Variants in KMT2B observed in about 807,000 individuals in gnomAD.
KMT2B encodes lysine methyltransferase 2B, also known as histone-lysine N-methyltransferase 2B.
Under a neutral mutation model 255.3 loss-of-function variants are expected in KMT2B, and 22 were observed. The observed-to-expected ratio is 0.09, with a 90% CI of 0.06 to 0.12. KMT2B has a LOEUF of 0.12. Ranked by LOEUF, KMT2B falls within the 10% of genes least tolerant of loss-of-function variation. The probability of loss-of-function intolerance (pLI) is 1.00; values close to 1 mark genes in which losing one functional copy is unlikely to be tolerated. For synonymous variants in KMT2B, 1,730 were observed against 1,498.1 expected (o/e 1.15, Z -3.57); for missense variants, 3,149 against 3,737.0 (o/e 0.84, Z 4.10).
Position 35,728,181 on chromosome 19 carries a change from G to T in KMT2B, c.4571+10G>T. On this transcript the variant is annotated intron_variant, in intron 19 of 36. Transcript: ENST00000420124. ...GTACCCGGCTGCCAAAGTGAGCAAG[G>T]CTGGGTAGCAGAAGGGAAGCCGGGG... The T allele has an allele frequency of 6.3e-7, 1 of 1,581,042 alleles. No individual in the cohort carries two copies. The highest frequency in any genetic ancestry group is 8.6e-7 in the Non-Finnish European group (1 of 1,164,332).
chr19:35,728,200 G>T, intron 19 of KMT2B, 29 bp downstream of exon 19: 3 of 1,558,468 alleles, frequency 1.9e-6, no homozygotes, highest in Non-Finnish European at 2.6e-6. Flanking sequence ...CAGAAGGGAA[G>T]CCGGGGAGTG....
At position 35,725,723 on chromosome 19, in the gene KMT2B, C is replaced by T; in HGVS notation, c.3790C>T (p.His1264Tyr). Reference sequence around the variant, plus strand: ...CCATCTCTGTCTCCACATCCAACAGCACCTCCTGGAGTGCGAGCGCTGCCG... The same window carrying T: ...CCATCTCTGTCTCCACATCCAACAGTACCTCCTGGAGTGCGAGCGCTGCCG... The part of the protein sequence containing the change: ...VCGRKGRGSK[H>Y]LLECERCRHA... Residue 1264 changes from histidine to tyrosine, a missense_variant and splice_region_variant, in exon 13 of 37, where the codon CAC (histidine) becomes TAC (tyrosine). Physicochemically the swap from His to Tyr is moderately conservative, Grantham distance 83. Coordinates refer to ENST00000420124, the MANE Select transcript of KMT2B (RefSeq NM_014727.3). This position sits in a 1 kb window ranked among gnomAD's most constrained non-coding sequence, Gnocchi z 4.1. 1 of 1,611,442 alleles carries T rather than the reference C, an allele frequency of 6.2e-7. No individual in the cohort carries two copies. Among genetic ancestry groups the T allele is most frequent in the Non-Finnish European group, 8.5e-7 (1 of 1,178,872 alleles).
intron 9 of KMT2B, 65 bp from the exon 10 acceptor site, chr19:35,724,924 T>C: frequency 8.7e-6 from 11 of 1,265,044 alleles, no homozygotes; most frequent in Non-Finnish European, 9.2e-6. Context: ...GGAAAGGCGG[T>C]GAGGAGAGGA....
At position 35,738,800 on chromosome 19, in the gene KMT2B, C is replaced by T. The variant is rs1799950512; in HGVS notation, c.*243C>T. On this transcript the variant is annotated 3_prime_UTR_variant, in exon 37 of 37. Coordinates refer to ENST00000420124, the MANE Select transcript of KMT2B (RefSeq NM_014727.3). This position sits in a 1 kb window ranked among gnomAD's most constrained non-coding sequence, Gnocchi z 8.7. ...TTGTACAAAGGTTTCTAAATCCCTT[C>T]TTTTCTATGCACTTTTTTATTTAAG... 2.9e-5 allele frequency: 16 copies of T among 547,730 alleles called. No individual in the cohort carries two copies. The South Asian group carries it at 4.0e-4, about 14-fold the overall frequency. The allele number at this position is 547,730 out of a possible 1,614,324, so 33.9% of individuals were successfully genotyped here.
In KMT2B at chr19:35,732,020, C is replaced by A; in HGVS notation, c.5550C>A (p.Gly1850=). The A allele has an allele frequency of 6.2e-7, 1 of 1,613,596 alleles. No individual in the cohort carries two copies. Among genetic ancestry groups the A allele is most frequent in the Non-Finnish European group, 8.5e-7 (1 of 1,179,746 alleles). Residue 1850 remains glycine, a synonymous_variant, in exon 27 of 37, where the codon GGC becomes GGA. Transcript: ENST00000420124. ...ACCCTCCACTGCGGCCAGATTCAGG[C>A]AGCGCCCCTCCTCCAGCCCCCCGTT... ...NLDPPLRPDS[G]SAPPPAPRSF...
At chr19:35,719,687 AAC>A in intron 2 of KMT2B, 95 bp from the exon 3 acceptor site, 1 of 1,524,928 alleles carries the variant, frequency 6.6e-7, no homozygotes, top group Non-Finnish European at 8.8e-7. Context: ...CAGCGGGGGA[AAC>A]ACACAAGCAA....
At chr19:35,729,560 G>GGCTTTCCCATGGGCAACGCCATGTA (rs1323229935) in intron 22 of KMT2B, among the ~76,000 whole-genome samples, 1 of 152,142 alleles carries the variant, frequency 6.6e-6, no homozygotes, top group African/African-American at 2.4e-5. Flanking sequence ...TTCCATGCTG[G>GGCTTTCCCATGGGCAACGCCATGTA]GTGGCGTTGA....
rs1288222119 is a variant in KMT2B at position 35,721,476 on chromosome 19, T to C, written c.2129T>C (p.Val710Ala). The change falls in exon 3 of 37, where the codon GTG (valine) becomes GCG (alanine). Residue 710 changes from valine to alanine, a missense_variant. Physicochemically the swap from Val to Ala is moderately conservative, Grantham distance 64 (BLOSUM62 0). This residue lies in a region of KMT2B where 1,188 missense variants were observed against 1,106.4 expected (regional missense o/e 1.07). Coordinates refer to ENST00000420124, the MANE Select transcript of KMT2B (RefSeq NM_014727.3). ...NHLSLPRFAP[V>A]VTTPVKAEVS... ...CTCAGCCTGCCTCGATTCGCCCCTG[T>C]GGTCACCACTCCTGTTAAGGCCGAG... is the stretch of plus-strand genomic sequence containing the variant. 1 of 1,612,766 alleles carries C rather than the reference T, an allele frequency of 6.2e-7. No homozygotes were observed. The highest frequency in any genetic ancestry group is 2.2e-5 in the East Asian group (1 of 44,866).
rs367682204 is a variant in KMT2B at position 35,736,699 on chromosome 19, C to T, written c.7169C>T (p.Ser2390Leu). The T allele has an allele frequency of 2.5e-5, 40 of 1,613,600 alleles. No individual in the cohort carries two copies. Among genetic ancestry groups the T allele is most frequent in the Non-Finnish European group, 3.0e-5 (35 of 1,179,750 alleles). ...TGCTTCTTGGGACCAGGTGAGGCTT[C>T]GAGCTCTGAGGAAGAGCCTCCATCC... ...SQWHHYSGEA[S>L]SSEEEPPSPD... The change falls in exon 31 of 37, where the codon TCG becomes TTG. Residue 2390 changes from serine to leucine, a missense_variant. Physicochemically the swap from Ser to Leu is moderately radical, Grantham distance 145. This residue lies in a region of KMT2B where 897 missense variants were observed against 825.3 expected (regional missense o/e 1.09). Coordinates refer to ENST00000420124, the MANE Select transcript of KMT2B (RefSeq NM_014727.3).
In KMT2B at chr19:35,725,595, C is replaced by T. The variant is rs745431166; in HGVS notation, c.3759C>T (p.His1253=). Reference sequence around the variant, plus strand: ...GCTGCCGTCGCTGCAAATTCTGCCACGTCTGTGGACGCAAAGGTCGTGGAT... The same window carrying T: ...GCTGCCGTCGCTGCAAATTCTGCCATGTCTGTGGACGCAAAGGTCGTGGAT... ...TWCCRRCKFC[H]VCGRKGRGSK... is the part of the protein sequence containing the mutation. The change falls in exon 12 of 37, where the codon CAC becomes CAT. Residue 1253 remains histidine (H), a synonymous_variant. Transcript: ENST00000420124. This position sits in a 1 kb window ranked among gnomAD's most constrained non-coding sequence, Gnocchi z 4.1. 6.8e-6 allele frequency: 11 copies of T among 1,610,346 alleles called. No individual in the cohort carries two copies. The highest frequency in any genetic ancestry group is 4.4e-5 in the South Asian group (4 of 91,088).
Position 35,726,319 on chromosome 19 carries a change from C to A in KMT2B, c.3969C>A (p.Ser1323Arg), listed in dbSNP as rs752320445. The A allele has an allele frequency of 6.2e-7, 1 of 1,613,564 alleles. No individual in the cohort carries two copies. The highest frequency in any genetic ancestry group is 8.5e-7 in the Non-Finnish European group (1 of 1,179,732). Residue 1323 changes from serine (S) to arginine (R), a missense_variant, in exon 14 of 37, where the codon AGC becomes AGA. By Grantham distance (110) the Ser-to-Arg change is moderately radical. Coordinates refer to ENST00000420124, the MANE Select transcript of KMT2B (RefSeq NM_014727.3). ...NWDVEWSGDYSLCPRCTQLYE... is the reference protein window; with the variant it reads ...NWDVEWSGDYRLCPRCTQLYE... The stretch of plus-strand genomic sequence containing the variant: ...ACGTCGAGTGGTCTGGAGATTACAG[C>A]CTCTGCCCCAGGTGCACCCAGCTAT...
At position 35,732,541 on chromosome 19, in the gene KMT2B, C is replaced by T; in HGVS notation, c.5992C>T (p.Leu1998=). Residue 1998 remains leucine (L), a synonymous_variant, in exon 28 of 37, where the codon CTG becomes TTG. Coordinates refer to ENST00000420124, the MANE Select transcript of KMT2B (RefSeq NM_014727.3). ...AADLDFAASL[L]GTEPFQEEIV... ...TGACCTGGACTTCGCGGCCAGCCTG[C>T]TGGGGACTGAGCCCTTCCAGGAAGA... is the stretch of plus-strand genomic sequence containing the variant. 3 of 1,613,896 alleles carry T rather than the reference C, an allele frequency of 1.9e-6. No homozygotes were observed. The highest frequency in any genetic ancestry group is 2.5e-6 in the Non-Finnish European group (3 of 1,179,878).
In KMT2B at chr19:35,733,507, G is replaced by A. The variant is rs142520534; in HGVS notation, c.6958G>A (p.Gly2320Arg). The A allele has an allele frequency of 1.3e-4, 204 of 1,554,338 alleles. No homozygotes were observed. The African/African-American group carries it at 2.3e-3, about 18-fold the overall frequency. Residue 2320 changes from glycine to arginine, a missense_variant and splice_region_variant, in exon 28 of 37, where the codon GGG becomes AGG. By Grantham distance (125) the Gly-to-Arg change is moderately radical. Coordinates refer to ENST00000420124, the MANE Select transcript of KMT2B (RefSeq NM_014727.3). This position sits in a 1 kb window ranked among gnomAD's most constrained non-coding sequence, Gnocchi z 4.3. ...TCAGGTTCCAGGGCTTGGCAGTGGCGGGTGAGTGCGGGTGCTGAGGCTGGC... is the reference window on the plus strand; with the variant it reads ...TCAGGTTCCAGGGCTTGGCAGTGGCAGGTGAGTGCGGGTGCTGAGGCTGGC... ...TPQVPGLGSG[G>R]FSRVRMKTPT... is the part of the protein sequence containing the mutation.
At position 35,731,897 on chromosome 19, in the gene KMT2B, C is replaced by T. The variant is rs560554537; in HGVS notation, c.5438-11C>T. On this transcript the variant is annotated splice_polypyrimidine_tract_variant and intron_variant, in intron 26 of 36. Transcript: ENST00000420124. Reference sequence around the variant, plus strand: ...CCCCTACCACCCCAATGCCATTTCTCGCCTCTTCAGAGCCCCCAGGTGGTG... The same window carrying T: ...CCCCTACCACCCCAATGCCATTTCTTGCCTCTTCAGAGCCCCCAGGTGGTG... 3.0e-5 allele frequency: 48 copies of T among 1,601,994 alleles called. No homozygotes were observed. In the East Asian group the frequency reaches 8.5e-4, roughly 28 times the overall value.
chr19:35,719,413 C>T (rs1055531684), intron 1 of KMT2B, 56 bp from the exon 2 acceptor site: 4 of 1,272,124 alleles, frequency 3.1e-6, no homozygotes, highest in Middle Eastern at 1.8e-4. Context: ...TCAGATGGAA[C>T]GAGGGCTTTG....
At position 35,737,974 on chromosome 19, in the gene KMT2B, G is replaced by A. The variant is rs1427019292; in HGVS notation, c.7742+32G>A. On this transcript the variant is annotated intron_variant, in intron 35 of 36. Coordinates refer to ENST00000420124, the MANE Select transcript of KMT2B (RefSeq NM_014727.3). This position sits in a 1 kb window ranked among gnomAD's most constrained non-coding sequence, Gnocchi z 5.3. Reference sequence around the variant, plus strand: ...GGGGTTGGGGGGGAGGATGCCCCTTGGGTGGACGGACAGGTGCACTGGGTA... The same window carrying A: ...GGGGTTGGGGGGGAGGATGCCCCTTAGGTGGACGGACAGGTGCACTGGGTA... 4.4e-6 allele frequency: 7 copies of A among 1,607,272 alleles called. No individual in the cohort carries two copies. The South Asian group carries it at 4.4e-5, about 10-fold the overall frequency.
Position 35,738,405 on chromosome 19 carries a change from G to T in KMT2B, c.7996G>T (p.Val2666Leu). 6.2e-7 allele frequency: 1 copy of T among 1,614,138 alleles called. No homozygotes were observed. The change falls in exon 37 of 37, where the codon GTG (valine) becomes TTG (leucine). Residue 2666 changes from valine (V) to leucine (L), a missense_variant. Transcript: ENST00000420124. The surrounding 1 kb of genome is among the most constrained non-coding windows in gnomAD (Gnocchi z 8.7). ...EPNCFSRVIH[V>L]EGQKHIVIFA... ...CAACTGCTTCTCTCGGGTCATCCAC[G>T]TGGAGGGCCAGAAACACATTGTTAT...
intron 8 of KMT2B, 63 bp downstream of exon 8, chr19:35,724,070 A>G: frequency 4.8e-6 from 7 of 1,461,198 alleles, no homozygotes; most frequent in Non-Finnish European, 6.4e-6. Context: ...TTTGTGTAGG[A>G]GGGACAAGGC....
Position 35,733,780 on chromosome 19 carries a change from C to T in KMT2B, c.7067C>T (p.Ser2356Phe), listed in dbSNP as rs942286416. 4 of 1,613,518 alleles carry T rather than the reference C, an allele frequency of 2.5e-6. No homozygotes were observed. Among genetic ancestry groups the T allele is most frequent in the Non-Finnish European group, 3.4e-6 (4 of 1,179,594 alleles). Residue 2356 changes from serine (S) to phenylalanine (F), a missense_variant, in exon 30 of 37, where the codon TCC becomes TTC. By Grantham distance (155) the Ser-to-Phe change is radical. Transcript: ENST00000420124. The surrounding 1 kb of genome is among the most constrained non-coding windows in gnomAD (Gnocchi z 4.3). ...TCTCGCAGGCCCCTCCAGGAACGGT[C>T]CCCTTTGCTGCCACTTCCGGAAGAT... The part of the protein sequence containing the change: ...EESPGPLQER[S>F]PLLPLPEDGP...
Sources: allele counts gnomAD v4.1 joint callset (sites outside exome capture counted in the v4.1 genomes callset), GRCh38; gene constraint gnomAD v4.1.1; regional missense constraint gnomAD v4.1.1; non-coding constraint Gnocchi (gnomAD v3.1); transcripts MANE v1.5; gene names NCBI Gene and HGNC (gene_info 2026-07-23, HGNC 2026-07-21).